Variants in SLC35F3 observed in about 807,000 individuals in gnomAD.
SLC35F3 encodes the protein solute carrier family 35 member F3, also known as putative thiamine transporter SLC35F3.
In SLC35F3, 25 loss-of-function variants were observed where a neutral mutation model predicts 49.9. The observed-to-expected ratio is 0.50, with a 90% CI of 0.37 to 0.70. The LOEUF (loss-of-function observed/expected upper bound fraction) is 0.70. Ranked by LOEUF, SLC35F3 falls within the 30% of genes least tolerant of loss-of-function variation. SLC35F3 has a pLI of 0.00. For missense variants in SLC35F3, 525 were observed against 639.8 expected, an observed-to-expected ratio of 0.82 and a Z score of 1.94; for synonymous variants, 275 against 265.4, an observed-to-expected ratio of 1.04 and a Z score of -0.35.
At chr1:234,009,052 A>G (rs1373466869) in intron 2 of SLC35F3, among the ~76,000 whole-genome samples, 2 of 152,212 alleles carry the variant, frequency 1.3e-5, no homozygotes, top group Admixed American at 1.3e-4. Context: ...TTTAACTTCA[A>G]CATAGTTTTG....
intron 2 of SLC35F3, among the ~76,000 whole-genome samples, chr1:234,048,277 G>C (rs1410734212): frequency 2.0e-5 from 3 of 152,158 alleles, no homozygotes; most frequent in Non-Finnish European, 4.4e-5. Flanking sequence ...CTCAGCATTT[G>C]TATGTTATGA....
intron 2 of SLC35F3, among the ~76,000 whole-genome samples, chr1:234,154,377 A>G (rs1466809534): frequency 6.6e-6 from 1 of 152,228 alleles, no homozygotes; most frequent in Admixed American, 6.5e-5. Context: ...CTCATAAAAT[A>G]TTTTATGTAT....
chr1:234,293,566 G>A (rs1572138625), intron 3 of SLC35F3, among the ~76,000 whole-genome samples: 1 of 152,204 alleles, frequency 6.6e-6, no homozygotes, highest in Non-Finnish European at 1.5e-5. Flanking sequence ...GAAGCCATCA[G>A]CATGTGCCAT....
chr1:233,926,503 C>T (rs1370753217), intron 2 of SLC35F3, among the ~76,000 whole-genome samples: 4 of 152,122 alleles, frequency 2.6e-5, no homozygotes, highest in African/African-American at 9.7e-5. Context: ...AAGGTCTTCT[C>T]TATGCTGTTT....
At position 234,231,471 on chromosome 1, in the gene SLC35F3, G is replaced by A. The variant is rs1326607936; in HGVS notation, c.338G>A (p.Gly113Glu). Residue 113 changes from glycine to glutamate, a missense_variant, in exon 3 of 8, where the codon GGG becomes GAG. Physicochemically the swap from Gly to Glu is moderately conservative, Grantham distance 98. Transcript: ENST00000366618. The surrounding 1 kb of genome is among the most constrained non-coding windows in gnomAD (Gnocchi z 5.4). ...PGPAEAQAPAGVEAGGRASRR... is the reference protein window; with the variant it reads ...PGPAEAQAPAEVEAGGRASRR... ...CCGGCGGAGGCCCAGGCACCGGCCG[G>A]GGTGGAGGCCGGCGGGAGAGCGAGT... 4 of 1,611,618 alleles carry A rather than the reference G, an allele frequency of 2.5e-6. No individual in the cohort carries two copies. In the South Asian group the frequency reaches 4.4e-5, roughly 18 times the overall value.
At chr1:234,098,969 G>A (rs1324810599) in intron 2 of SLC35F3, among the ~76,000 whole-genome samples, 1 of 152,094 alleles carries the variant, frequency 6.6e-6, no homozygotes, top group Non-Finnish European at 1.5e-5. Flanking sequence ...GATGATGGAG[G>A]TGGTGACTGT....
intron 2 of SLC35F3, among the ~76,000 whole-genome samples, chr1:233,973,134 A>G (rs1384062878): frequency 6.6e-6 from 1 of 152,238 alleles, no homozygotes; most frequent in Non-Finnish European, 1.5e-5. Flanking sequence ...TGCAGGGTGC[A>G]TTAGTCATCA....
At chr1:233,981,976 G>A (rs1663193308) in intron 2 of SLC35F3, among the ~76,000 whole-genome samples, 1 of 152,228 alleles carries the variant, frequency 6.6e-6, no homozygotes, top group Non-Finnish European at 1.5e-5. Context: ...CGCCCAGGCT[G>A]CAGTGCAGTG....
At chr1:234,157,288 A>G (rs1465345669) in intron 2 of SLC35F3, among the ~76,000 whole-genome samples, 1 of 151,912 alleles carries the variant, frequency 6.6e-6, no homozygotes, top group East Asian at 1.9e-4. Context: ...TCTTTTTTAT[A>G]TTCTCATCTC....
Position 234,219,749 on chromosome 1 carries a change from G to T in SLC35F3, c.284-11668G>T, listed in dbSNP as rs116174839. Among the ~76,000 whole-genome samples, 718 of 152,302 alleles carry T rather than the reference G, an allele frequency of 4.7e-3. 4 individuals carry two copies. The highest frequency in any genetic ancestry group is 0.016 in the African/African-American group (678 of 41,572). On this transcript the variant is annotated intron_variant, in intron 2 of 7. Transcript: ENST00000366618. ...ATACTCTTTCCTGCTGAGCCTGGAT[G>T]TGGCCTCAGAATTCTTCTTGTCACC...
chr1:234,076,551 T>C lies in SLC35F3; in HGVS notation c.284-154866T>C, dbSNP rs554926832. Reference sequence around the variant, plus strand: ...AACTTGGCTCACTGCAACCTCCACCTCCCAGGTTCAAGCAATTCTTCTGCC... The same window carrying C: ...AACTTGGCTCACTGCAACCTCCACCCCCCAGGTTCAAGCAATTCTTCTGCC... On this transcript the variant is annotated intron_variant, in intron 2 of 7. Coordinates refer to ENST00000366618, the MANE Select transcript of SLC35F3 (RefSeq NM_173508.4). 4.0e-5 allele frequency among the ~76,000 whole-genome samples: 6 copies of C among 151,594 alleles called. No individual in the cohort carries two copies. In the South Asian group the frequency reaches 1.0e-3, roughly 26 times the overall value.
chr1:234,011,958 G>A (rs970685477), intron 2 of SLC35F3, among the ~76,000 whole-genome samples: 5 of 152,068 alleles, frequency 3.3e-5, no homozygotes, highest in African/African-American at 1.2e-4. Context: ...GGACCTGCAC[G>A]GGCACCGGTC....
intron 2 of SLC35F3, among the ~76,000 whole-genome samples, chr1:234,028,779 G>T (rs1388460154): frequency 6.6e-6 from 1 of 152,174 alleles, no homozygotes; most frequent in African/African-American, 2.4e-5. Flanking sequence ...AGTGCCTGCA[G>T]GTTCACACCA....
intron 2 of SLC35F3, among the ~76,000 whole-genome samples, chr1:234,097,938 G>A (rs988302969): frequency 1.6e-4 from 24 of 151,126 alleles, no homozygotes; most frequent in Non-Finnish European, 3.1e-4. Flanking sequence ...TGGTGTTATA[G>A]GGTGATGGTG....
intron 2 of SLC35F3, among the ~76,000 whole-genome samples, chr1:233,906,704 T>C (rs1661783597): frequency 6.6e-6 from 1 of 152,150 alleles, no homozygotes; most frequent in Non-Finnish European, 1.5e-5. Flanking sequence ...TGAAACATTA[T>C]TTATTGGTCT....
chr1:234,158,398 A>G (rs1017540514), intron 2 of SLC35F3, among the ~76,000 whole-genome samples: 1 of 152,146 alleles, frequency 6.6e-6, no homozygotes, highest in African/African-American at 2.4e-5. Context: ...TTCAATACTT[A>G]TAGTTTTGCT....
chr1:234,023,819 G>C (rs78895277), intron 2 of SLC35F3, among the ~76,000 whole-genome samples: 1 of 142,254 alleles, frequency 7.0e-6, no homozygotes, highest in Non-Finnish European at 1.5e-5. Context: ...ATCTAGTTCT[G>C]AAAAAAAAAA....
intron 2 of SLC35F3, among the ~76,000 whole-genome samples, chr1:233,965,573 C>G (rs1012006250): frequency 2.0e-5 from 3 of 152,184 alleles, no homozygotes; most frequent in Non-Finnish European, 2.9e-5. Flanking sequence ...TAACAGGCAG[C>G]CTCTAGGAGC....
rs531587817 is a variant in SLC35F3 at position 233,918,636 on chromosome 1, G to A, written c.283+12878G>A. On this transcript the variant is annotated intron_variant, in intron 2 of 7. Transcript: ENST00000366618. The stretch of plus-strand genomic sequence containing the variant: ...ACAAAAATTAGCCGGGTGTAGTGGC[G>A]GGCACCTGTAATGCCAGCTACTTGG... Among the ~76,000 whole-genome samples, 12 of 152,082 alleles carry A rather than the reference G, an allele frequency of 7.9e-5. No homozygotes were observed. The East Asian group carries it at 2.1e-3, about 27-fold the overall frequency.
Sources: gnomAD v4.1 joint callset for allele counts (sites outside exome capture counted in the v4.1 genomes callset) on GRCh38, gnomAD v4.1.1 for gene constraint, Gnocchi (gnomAD v3.1) non-coding constraint, MANE v1.5 for transcripts, NCBI Gene and HGNC (gene_info 2026-07-23, HGNC 2026-07-21) for gene names.